SCTR: variants seen among roughly 807,000 people sequenced by gnomAD.
SCTR encodes secretin receptor.
A neutral mutation model predicts 60.8 loss-of-function variants in SCTR; 56 were observed. The observed-to-expected ratio is 0.92, with a 90% CI of 0.74 to 1.15. The LOEUF (loss-of-function observed/expected upper bound fraction) is 1.15, where lower values mean the gene tolerates loss of function less well. Among genes scored for constraint, SCTR ranks in the 50% most tolerant of loss-of-function variants. The pLI, the probability that SCTR is intolerant of heterozygous loss-of-function variation, is 0.00. For synonymous variants in SCTR, 202 were observed against 217.0 expected (o/e 0.93, Z 0.61); for missense variants, 562 against 550.4 (o/e 1.02, Z -0.21).
At chr2:119,452,706 C>T (rs927343021) in intron 8 of SCTR, among the ~76,000 whole-genome samples, 3 of 152,132 alleles carry the variant, frequency 2.0e-5, no homozygotes, top group African/African-American at 7.2e-5. Context: ...TGACCTCATC[C>T]ACTTATTGGC....
intron 2 of SCTR, among the ~76,000 whole-genome samples, chr2:119,483,774 A>G (rs747280470): frequency 7.2e-5 from 11 of 152,192 alleles, no homozygotes; most frequent in Admixed American, 2.0e-4. Context: ...AGGAAAACAT[A>G]TGAAGGAAAT....
At chr2:119,467,774 C>T (rs768806355) in intron 4 of SCTR, among the ~76,000 whole-genome samples, 11 of 151,986 alleles carry the variant, frequency 7.2e-5, no homozygotes, top group Admixed American at 2.0e-4. Flanking sequence ...CATGGTATAC[C>T]GCTAATAAAA....
intron 2 of SCTR, among the ~76,000 whole-genome samples, chr2:119,492,727 T>G (rs1441082039): frequency 6.6e-6 from 1 of 152,210 alleles, no homozygotes; most frequent in East Asian, 1.9e-4. Flanking sequence ...GTTCCTTCCT[T>G]CAGCCTTGGC....
intron 1 of SCTR, among the ~76,000 whole-genome samples, chr2:119,499,510 A>T (rs1265046080): frequency 6.6e-6 from 1 of 152,102 alleles, no homozygotes; most frequent in South Asian, 2.1e-4. Context: ...GAAATCATAT[A>T]CAATGTGTTC....
chr2:119,507,742 G>A (rs1039872673), intron 1 of SCTR, among the ~76,000 whole-genome samples: 13 of 137,718 alleles, frequency 9.4e-5, no homozygotes, highest in African/African-American at 2.7e-4. Flanking sequence ...GCAGTGGCAC[G>A]ATCTTGGCTC....
At chr2:119,519,575 G>C (rs983464989) in intron 1 of SCTR, among the ~76,000 whole-genome samples, 1 of 151,968 alleles carries the variant, frequency 6.6e-6, no homozygotes, top group African/African-American at 2.4e-5. Flanking sequence ...GGGAGGCCAA[G>C]GTGGGTGGAT....
At chr2:119,519,982 G>C (rs1319505338) in intron 1 of SCTR, among the ~76,000 whole-genome samples, 1 of 152,018 alleles carries the variant, frequency 6.6e-6, no homozygotes. Context: ...TGCACCATGG[G>C]GCTAATAACT....
At chr2:119,458,148 A>T (rs980437787) in intron 7 of SCTR, among the ~76,000 whole-genome samples, 2 of 151,878 alleles carry the variant, frequency 1.3e-5, no homozygotes, top group African/African-American at 4.8e-5. Flanking sequence ...AAAAATAAGT[A>T]AATAAAAATT....
At chr2:119,471,703 G>A (rs1227688593) in intron 4 of SCTR, among the ~76,000 whole-genome samples, 2 of 152,176 alleles carry the variant, frequency 1.3e-5, no homozygotes, top group African/African-American at 2.4e-5. Context: ...ATTCCTTCTA[G>A]GGAGTTTAGC....
At chr2:119,465,035 TCTGGGAAACCCA>T (rs1683773514) in intron 5 of SCTR, among the ~76,000 whole-genome samples, 1 of 152,198 alleles carries the variant, frequency 6.6e-6, no homozygotes, top group African/African-American at 2.4e-5. Context: ...CAGGCTTTCT[TCTGGGAAACCCA>T]TTCCAGCTCT....
Position 119,481,939 on chromosome 2 carries a change from G to A in SCTR, c.194-3021C>T, listed in dbSNP as rs148044891. Among the ~76,000 whole-genome samples the A allele has an allele frequency of 1.5e-3, 236 of 152,278 alleles. 2 individuals are homozygous for A. Among genetic ancestry groups the A allele is most frequent in the African/African-American group, 5.2e-3 (214 of 41,546 alleles). On this transcript the variant is annotated intron_variant, in intron 2 of 12. Coordinates refer to ENST00000019103, the MANE Select transcript of SCTR (RefSeq NM_002980.3). ...GTGCTGATGGGGAGGAGCCCTGTGC[G>A]TCCCACACTTGAGCTCCTGTAATCC...
Position 119,489,372 on chromosome 2 carries a change from T to A in SCTR, c.193+5056A>T, listed in dbSNP as rs760192522. On this transcript the variant is annotated intron_variant, in intron 2 of 12. Coordinates refer to ENST00000019103, the MANE Select transcript of SCTR (RefSeq NM_002980.3). ...CTTTTGTTTTATCCTTTCTCCCTGC[T>A]CTCAGTCATGTATCTGCCCTCATTC... Among the ~76,000 whole-genome samples, 3 of 152,164 alleles carry A rather than the reference T, an allele frequency of 2.0e-5. No individual in the cohort carries two copies. The East Asian group carries it at 5.8e-4, about 29-fold the overall frequency.
rs185341415 is a variant in SCTR, at chr2:119,451,971, T to C, written c.921+39A>G. The C allele has an allele frequency of 7.8e-5, 104 of 1,327,384 alleles. No homozygotes were observed. In the East Asian group the frequency reaches 2.2e-3, roughly 29 times the overall value. The allele number at this position is 1,327,384 out of a possible 1,614,324, so 82.2% of individuals were successfully genotyped here. A position where few individuals can be genotyped will look rare whatever the true frequency, so the allele number is the denominator to read the frequency against. Reference sequence around the variant, plus strand: ...GTGGGCTGGTCACCATTTCCGTCTCTCCCACTGATCCCCAGCTAGGGAGAG... The same window carrying C: ...GTGGGCTGGTCACCATTTCCGTCTCCCCCACTGATCCCCAGCTAGGGAGAG... On this transcript the variant is annotated intron_variant, in intron 9 of 12. Coordinates refer to ENST00000019103, the MANE Select transcript of SCTR (RefSeq NM_002980.3).
At chr2:119,498,302 G>T (rs1416839429) in intron 1 of SCTR, among the ~76,000 whole-genome samples, 1 of 152,040 alleles carries the variant, frequency 6.6e-6, no homozygotes, top group Non-Finnish European at 1.5e-5. Context: ...GGGAAATCAA[G>T]ACATTCTCAA....
rs560312411 is a variant in SCTR at position 119,520,868 on chromosome 2, C to T, written c.72+3287G>A. Among the ~76,000 whole-genome samples the T allele has an allele frequency of 3.9e-5, 6 of 152,262 alleles. No homozygotes were observed. In the East Asian group the frequency reaches 9.6e-4, roughly 24 times the overall value. ...GTGAAATGAATACCTATTGTTAGCC[C>T]TATCTGTGTATCTGTCCTGAAACAT... is the stretch of plus-strand genomic sequence containing the variant. On this transcript the variant is annotated intron_variant, in intron 1 of 12. Coordinates refer to ENST00000019103, the MANE Select transcript of SCTR (RefSeq NM_002980.3).
At chr2:119,502,656 C>T (rs1455313334) in intron 1 of SCTR, among the ~76,000 whole-genome samples, 1 of 151,694 alleles carries the variant, frequency 6.6e-6, no homozygotes, top group East Asian at 1.9e-4. Flanking sequence ...ATAAACAGAT[C>T]ATAATACAGA....
At position 119,481,431 on chromosome 2, in the gene SCTR, C is replaced by T. The variant is rs767818994; in HGVS notation, c.194-2513G>A. On this transcript the variant is annotated intron_variant, in intron 2 of 12. Coordinates refer to ENST00000019103, the MANE Select transcript of SCTR (RefSeq NM_002980.3). ...GCAGATCTCTAGGCCCCAGATCCTC[C>T]TTGTGAGACCAGACCCAGGAATCTG... Among the ~76,000 whole-genome samples the T allele has an allele frequency of 2.6e-5, 4 of 152,198 alleles. 1 individual carries two copies. Among genetic ancestry groups the T allele is most frequent in the Admixed American group, 1.3e-4 (2 of 15,288 alleles).
chr2:119,495,600 C>G (rs929392020), intron 1 of SCTR: 2 of 152,278 alleles, frequency 1.3e-5, no homozygotes, highest in Non-Finnish European at 2.9e-5. Context: ...CAGAGAAGGA[C>G]AGCTAAGGTA....
rs187958626 is a variant in SCTR at position 119,518,389 on chromosome 2, G to A, written c.72+5766C>T. The stretch of plus-strand genomic sequence containing the variant: ...GGGAGGTGAGAAATTTGAAAGACAC[G>A]TGGCCATCAGGAGCACGCCTAAGAG... On this transcript the variant is annotated intron_variant, in intron 1 of 12. Transcript: ENST00000019103. Among the ~76,000 whole-genome samples, 6 of 144,624 alleles carry A rather than the reference G, an allele frequency of 4.1e-5. No individual in the cohort carries two copies. The East Asian group carries it at 7.7e-4, about 19-fold the overall frequency. The allele number at this position is 144,624 out of a possible 152,430, so 94.9% of individuals were successfully genotyped here. A position where few individuals can be genotyped will look rare whatever the true frequency, so the allele number is the denominator to read the frequency against.
Sources: gnomAD v4.1 joint callset for allele counts (sites outside exome capture counted in the v4.1 genomes callset) on GRCh38, gnomAD v4.1.1 for gene constraint, MANE v1.5 for transcripts, NCBI Gene and HGNC (gene_info 2026-07-23, HGNC 2026-07-21) for gene names.